LRRC58: variants seen among roughly 807,000 people sequenced by gnomAD.
LRRC58 encodes the protein leucine rich repeat containing 58.
LRRC58 carries 18 observed loss-of-function variants against 30.6 expected under a neutral mutation model. The ratio of observed to expected loss-of-function variants is 0.59; its 90% CI spans 0.41 to 0.87. The LOEUF is 0.87. Among genes scored for constraint, LRRC58 ranks in the 40% least tolerant of loss-of-function variants. The pLI, the probability that LRRC58 is intolerant of heterozygous loss-of-function variation, is 0.00. For missense variants in LRRC58, 420 were observed against 468.4 expected, an observed-to-expected ratio of 0.90 and a Z score of 0.95; for synonymous variants, 221 against 206.0, an observed-to-expected ratio of 1.07 and a Z score of -0.62.
intron 1 of LRRC58, among the ~76,000 whole-genome samples, chr3:120,344,901 CA>C (rs1290382746): frequency 1.3e-5 from 2 of 151,796 alleles, no homozygotes; most frequent in Non-Finnish European, 2.9e-5. Flanking sequence ...CATTATGTAA[CA>C]AAAAAAATTT....
intron 3 of LRRC58, among the ~76,000 whole-genome samples, chr3:120,334,088 G>C (rs1935798506): frequency 6.6e-6 from 1 of 152,078 alleles, no homozygotes; most frequent in South Asian, 2.1e-4. Flanking sequence ...TTGAACCATG[G>C]ACTTAAAAGA....
At chr3:120,344,045 A>C (rs1333921325) in intron 1 of LRRC58, among the ~76,000 whole-genome samples, 1 of 151,904 alleles carries the variant, frequency 6.6e-6, no homozygotes, top group Admixed American at 6.6e-5. Flanking sequence ...ACTCCAAAAA[A>C]CAAATAAACA....
chr3:120,339,946 C>T (rs2107625015), intron 1 of LRRC58, among the ~76,000 whole-genome samples: 2 of 152,240 alleles, frequency 1.3e-5, no homozygotes, highest in South Asian at 4.1e-4. Context: ...TCACTGCAAT[C>T]TCTGCCTCTC....
At chr3:120,344,908 A>C (rs1935948340) in intron 1 of LRRC58, among the ~76,000 whole-genome samples, 1 of 152,218 alleles carries the variant, frequency 6.6e-6, no homozygotes, top group Non-Finnish European at 1.5e-5. Context: ...TAACAAAAAA[A>C]ATTTTGCCCA....
At chr3:120,338,317 G>T (rs961306028) in intron 1 of LRRC58, among the ~76,000 whole-genome samples, 3 of 152,040 alleles carry the variant, frequency 2.0e-5, no homozygotes, top group Non-Finnish European at 2.9e-5. Context: ...TTTTAAAAAT[G>T]GAATAATATT....
chr3:120,335,795 G>A (rs1290575222), intron 2 of LRRC58, 30 bp downstream of exon 2: 1 of 1,580,932 alleles, frequency 6.3e-7, no homozygotes, highest in Admixed American at 1.7e-5. Context: ...ATAGATGTCT[G>A]CGTATATACA....
intron 1 of LRRC58, among the ~76,000 whole-genome samples, chr3:120,343,657 A>G (rs1935931347): frequency 6.6e-6 from 1 of 152,362 alleles, no homozygotes; most frequent in Admixed American, 6.5e-5. Flanking sequence ...GACCCACTGA[A>G]AAAACAGGCT....
At chr3:120,345,665 G>A (rs1188780132) in intron 1 of LRRC58, among the ~76,000 whole-genome samples, 2 of 152,164 alleles carry the variant, frequency 1.3e-5, no homozygotes, top group Non-Finnish European at 2.9e-5. Context: ...CACTGCCAAG[G>A]CTTTTTCTAG....
intron 1 of LRRC58, among the ~76,000 whole-genome samples, chr3:120,342,387 A>G (rs2138259): frequency 0.82 from 124,944 of 152,196 alleles, 51,780 homozygotes; most frequent in African/African-American, 0.95. Flanking sequence ...AGGAGGAAGA[A>G]GACAGAGAGA....
chr3:120,325,025 TA>T lies in LRRC58; in HGVS notation c.*6174del, dbSNP rs1215822922. On this transcript the variant is annotated 3_prime_UTR_variant, in exon 4 of 4. Transcript: ENST00000295628. The stretch of plus-strand genomic sequence containing the variant: ...TGACATCCCAAACTTTACAAAAACT[TA>T]CAATGCTGCTTATCTAAAACTTTTC... 6.6e-6 allele frequency: 1 copy of T among 152,210 alleles called. No homozygotes were observed. Among genetic ancestry groups the T allele is most frequent in the Non-Finnish European group, 1.5e-5 (1 of 68,022 alleles). The allele number at this position is 152,210 out of a possible 1,614,324, so 9.4% of individuals were successfully genotyped here. A position where few individuals can be genotyped will look rare whatever the true frequency, so the allele number is the denominator to read the frequency against.
chr3:120,339,846 A>C (rs1234377481), intron 1 of LRRC58, among the ~76,000 whole-genome samples: 1 of 151,952 alleles, frequency 6.6e-6, no homozygotes, highest in Non-Finnish European at 1.5e-5. Flanking sequence ...AATTGCTCTT[A>C]ACAGTTTTTT....
intron 1 of LRRC58, 41 bp from the exon 2 acceptor site, chr3:120,335,994 T>C (rs1246377230): frequency 7.2e-7 from 1 of 1,397,878 alleles, no homozygotes; most frequent in Non-Finnish European, 9.9e-7. Context: ...GTAAATAAAG[T>C]TGAAAAAGAT....
At chr3:120,335,429 G>A (rs1039486274) in intron 2 of LRRC58, among the ~76,000 whole-genome samples, 2 of 152,168 alleles carry the variant, frequency 1.3e-5, no homozygotes, top group African/African-American at 4.8e-5. Context: ...TGGGCAGTGG[G>A]CATGCTTTCT....
Position 120,349,223 on chromosome 3 carries a change from C to A in LRRC58, c.21G>T (p.Ala7=). 8.5e-6 allele frequency: 12 copies of A among 1,416,668 alleles called. No individual in the cohort carries two copies. The highest frequency in any genetic ancestry group is 1.1e-5 in the Non-Finnish European group (12 of 1,091,548). 87.8% of individuals were successfully genotyped at this position (1,416,668 alleles called of 1,614,324 possible). A position where few individuals can be genotyped will look rare whatever the true frequency, so the allele number is the denominator to read the frequency against. The change falls in exon 1 of 4, where the codon GCG becomes GCT. Residue 7 remains alanine, a synonymous_variant. Transcript: ENST00000295628. ...GTTCGGCCTCCCCGGCCGTGACCAC[C>A]GCTGCTCCGGCCTCCTCCATCCTGG... MEEAGA[A]VVTAGEAELN... is the part of the protein sequence containing the mutation.
intron 1 of LRRC58, among the ~76,000 whole-genome samples, chr3:120,342,738 C>T (rs368106685): frequency 1.4e-4 from 22 of 152,204 alleles, no homozygotes; most frequent in African/African-American, 4.8e-4. Flanking sequence ...AGAACTTGGG[C>T]AAAAGTGCCA....
intron 1 of LRRC58, among the ~76,000 whole-genome samples, chr3:120,347,070 T>C (rs1267510430): frequency 6.6e-6 from 1 of 152,224 alleles, no homozygotes; most frequent in Admixed American, 6.5e-5. Flanking sequence ...CTCTGTCATT[T>C]TGTCTCAAGG....
At position 120,339,404 on chromosome 3, in the gene LRRC58, T is replaced by C. The variant is rs146153392; in HGVS notation, c.501-3451A>G. Among the ~76,000 whole-genome samples the C allele has an allele frequency of 3.9e-3, 592 of 152,326 alleles. 6 individuals carry two copies. Among genetic ancestry groups the C allele is most frequent in the African/African-American group, 0.012 (515 of 41,584 alleles). On this transcript the variant is annotated intron_variant, in intron 1 of 3. Transcript: ENST00000295628. ...ATTTATCAATATGTTTTACCAATTT[T>C]ATCATTTTTTTTGGAGGCTTGTTAT... is the stretch of plus-strand genomic sequence containing the variant.
Position 120,348,893 on chromosome 3 carries a change from C to A in LRRC58, c.351G>T (p.Pro117=), listed in dbSNP as rs1247167442. ...SALPKGLAQS[P]LCRSLQVLNL... is the part of the protein sequence containing the mutation. ...TGAGCACCTGGAGGCTGCGGCAGAG[C>A]GGCGACTGGGCCAGGCCCTTGGGCA... The change falls in exon 1 of 4, where the codon CCG becomes CCT. Residue 117 remains proline (P), a synonymous_variant. Transcript: ENST00000295628. The A allele has an allele frequency of 1.3e-6, 2 of 1,581,274 alleles. No homozygotes were observed. The highest frequency in any genetic ancestry group is 4.6e-5 in the East Asian group (2 of 43,150).
chr3:120,347,379 CTTTTTTTTT>C lies in LRRC58; in HGVS notation c.500+1356_500+1364del, dbSNP rs796116731. Among the ~76,000 whole-genome samples the C allele has an allele frequency of 2.9e-4, 16 of 54,852 alleles. 1 individual carries two copies. Among genetic ancestry groups the C allele is most frequent in the East Asian group, 2.8e-3 (4 of 1,428 alleles). The allele number at this position is 54,852 out of a possible 152,430, so 36.0% of individuals were successfully genotyped here. On this transcript the variant is annotated intron_variant, in intron 1 of 3. Transcript: ENST00000295628. ...AGTTCTTTTTTCCCAGGCCAATATT[CTTTTTTTTT>C]TTTTTTTTTTTTTTGAGACAGAGTC...
Sources: allele counts gnomAD v4.1 joint callset (sites outside exome capture counted in the v4.1 genomes callset), GRCh38; gene constraint gnomAD v4.1.1; transcripts MANE v1.5; gene names NCBI Gene and HGNC (gene_info 2026-07-23, HGNC 2026-07-21).